The following BMPR1B variants were observed in gnomAD, a reference collection of about 807,000 sequenced individuals.
The protein encoded by BMPR1B is bone morphogenetic protein receptor type-1B.
Under a neutral mutation model 59.1 loss-of-function variants are expected in BMPR1B, and 12 were observed. That is an observed-to-expected ratio of 0.20 (90% CI 0.13 to 0.33). The LOEUF (loss-of-function observed/expected upper bound fraction) is 0.33, where lower values mean the gene tolerates loss of function less well. BMPR1B is among the 10% of genes least tolerant of loss of function. The pLI is 1.00. For missense variants in BMPR1B, 550 were observed against 610.9 expected (o/e 0.90, Z 1.05); for synonymous variants, 237 against 207.3 (o/e 1.14, Z -1.23).
At chr4:94,762,294 A>C (rs1397718499) in intron 1 of BMPR1B, among the ~76,000 whole-genome samples, 1 of 152,222 alleles carries the variant, frequency 6.6e-6, no homozygotes, top group Non-Finnish European at 1.5e-5. Flanking sequence ...ACAATCAGCT[A>C]TCCACAAACA....
intron 2 of BMPR1B, among the ~76,000 whole-genome samples, chr4:94,993,054 T>G (rs1721846947): frequency 6.6e-6 from 1 of 152,138 alleles, no homozygotes. Flanking sequence ...GTTTTTTATT[T>G]AATTTTTTAA....
At chr4:94,923,722 T>C (rs1392640196) in intron 2 of BMPR1B, among the ~76,000 whole-genome samples, 1 of 152,058 alleles carries the variant, frequency 6.6e-6, no homozygotes. Context: ...TTGTTGGAGG[T>C]GAAATAGTGG....
At chr4:94,996,961 G>C (rs1301383641) in intron 3 of BMPR1B, among the ~76,000 whole-genome samples, 1 of 152,068 alleles carries the variant, frequency 6.6e-6, no homozygotes, top group East Asian at 1.9e-4. Flanking sequence ...AAAAGCATTG[G>C]CACTGAAGGA....
intron 6 of BMPR1B, among the ~76,000 whole-genome samples, chr4:95,118,491 G>A (rs189359172): frequency 1.6e-3 from 239 of 152,074 alleles, no homozygotes; most frequent in Middle Eastern, 0.01. Context: ...GCTAATTATC[G>A]GAGAGGTGAT....
chr4:95,067,084 G>A (rs1727868156), intron 3 of BMPR1B, among the ~76,000 whole-genome samples: 1 of 152,086 alleles, frequency 6.6e-6, no homozygotes, highest in African/African-American at 2.4e-5. Context: ...TGAGAGAGTT[G>A]TTGAATGATT....
intron 2 of BMPR1B, among the ~76,000 whole-genome samples, chr4:94,888,422 T>C (rs949041907): frequency 6.6e-6 from 1 of 152,092 alleles, no homozygotes; most frequent in Non-Finnish European, 1.5e-5. Context: ...GTAGGCAATA[T>C]TCTACTGTAG....
intron 1 of BMPR1B, among the ~76,000 whole-genome samples, chr4:94,776,524 C>A (rs17022183): frequency 0.32 from 48,846 of 152,068 alleles, 8,621 homozygotes; most frequent in African/African-American, 0.47. Context: ...TCTTCACCTC[C>A]GTGGCATTAG....
At chr4:94,758,579 C>T (rs932125567) in intron 1 of BMPR1B, among the ~76,000 whole-genome samples, 4 of 152,068 alleles carry the variant, frequency 2.6e-5, no homozygotes, top group Admixed American at 2.6e-4. Flanking sequence ...CCCACCTGCC[C>T]CGGACGCCTC....
intron 2 of BMPR1B, among the ~76,000 whole-genome samples, chr4:94,890,179 A>G (rs1727335058): frequency 1.3e-5 from 2 of 152,064 alleles, no homozygotes; most frequent in South Asian, 2.1e-4. Context: ...AATTGCATAT[A>G]ACAAGAAGCC....
chr4:95,123,423 G>A (rs531950725), intron 6 of BMPR1B, among the ~76,000 whole-genome samples: 108 of 152,186 alleles, frequency 7.1e-4, no homozygotes, highest in African/African-American at 2.6e-3. Context: ...ATGGTATAGA[G>A]TACTCCAGAG....
At chr4:94,959,091 C>G (rs941033014) in intron 2 of BMPR1B, among the ~76,000 whole-genome samples, 1 of 152,048 alleles carries the variant, frequency 6.6e-6, no homozygotes, top group Admixed American at 6.6e-5. Context: ...TTGAAAGCCA[C>G]GAAAAGGTGT....
At chr4:94,878,580 C>A (rs980178405) in intron 2 of BMPR1B, among the ~76,000 whole-genome samples, 1 of 152,108 alleles carries the variant, frequency 6.6e-6, no homozygotes, top group Admixed American at 6.5e-5. Context: ...TGAAAACAGG[C>A]CCATTTCAAA....
chr4:94,950,609 G>A (rs936753635), intron 2 of BMPR1B, among the ~76,000 whole-genome samples: 4 of 152,086 alleles, frequency 2.6e-5, no homozygotes, highest in African/African-American at 4.8e-5. Flanking sequence ...TAGATGTGTG[G>A]TGTTGTTTCT....
intron 2 of BMPR1B, among the ~76,000 whole-genome samples, chr4:94,913,841 G>GTGTGGCTA (rs1311598195): frequency 1.3e-5 from 2 of 152,154 alleles, no homozygotes; most frequent in African/African-American, 4.8e-5. Flanking sequence ...CACTAGCCAT[G>GTGTGGCTA]TGTGGCTATT....
intron 1 of BMPR1B, among the ~76,000 whole-genome samples, chr4:94,763,296 A>G (rs910932280): frequency 1.3e-5 from 2 of 152,222 alleles, no homozygotes; most frequent in South Asian, 2.1e-4. Context: ...GAAAGAATTC[A>G]TTATAAAGTC....
At chr4:94,841,163 C>G (rs1336959262) in intron 1 of BMPR1B, among the ~76,000 whole-genome samples, 2 of 149,708 alleles carry the variant, frequency 1.3e-5, no homozygotes, top group Non-Finnish European at 3.0e-5. Context: ...CTGCTCTCTT[C>G]AAAGCTGTCT....
chr4:94,936,663 A>G (rs941625360), intron 2 of BMPR1B, among the ~76,000 whole-genome samples: 4 of 152,154 alleles, frequency 2.6e-5, no homozygotes, highest in Admixed American at 6.6e-5. Flanking sequence ...ATACTTTGAG[A>G]ACTACAGTTT....
intron 10 of BMPR1B, among the ~76,000 whole-genome samples, chr4:95,142,545 CCTGT>C (rs1734312590): frequency 6.6e-6 from 1 of 152,038 alleles, no homozygotes; most frequent in Middle Eastern, 3.4e-3. Flanking sequence ...TTTTCTTTCT[CCTGT>C]CTATTACGTT....
chr4:94,988,489 G>A (rs1371121858), intron 2 of BMPR1B, among the ~76,000 whole-genome samples: 1 of 152,112 alleles, frequency 6.6e-6, no homozygotes, highest in Non-Finnish European at 1.5e-5. Flanking sequence ...AAATGATAAA[G>A]TGCTTTAGTT....
Sources: allele counts gnomAD v4.1 joint callset (sites outside exome capture counted in the v4.1 genomes callset), GRCh38; gene constraint gnomAD v4.1.1; transcripts MANE v1.5; gene names NCBI Gene and HGNC (gene_info 2026-07-23, HGNC 2026-07-21).